AFF2: variants seen among roughly 807,000 people sequenced by gnomAD.
AFF2 encodes the protein ALF transcription elongation factor 2.
Under a neutral mutation model 76.9 loss-of-function variants are expected in AFF2, and 14 were observed. The ratio of observed to expected loss-of-function variants is 0.18; its 90% CI spans 0.12 to 0.28. The LOEUF is 0.28. Among genes scored for constraint, AFF2 ranks in the 10% least tolerant of loss-of-function variants. AFF2 has a pLI of 1.00. For synonymous variants in AFF2, 398 were observed against 366.7 expected (o/e 1.09, Z -0.98); for missense variants, 868 against 1,001.1 (o/e 0.87, Z 1.79).
intron 8 of AFF2, among the ~76,000 whole-genome samples, chrX:148,889,764 G>GA (rs1383778568): frequency 1.8e-5 from 2 of 111,424 alleles, no homozygotes; most frequent in Non-Finnish European, 3.8e-5. Context: ...ACACGGACAT[G>GA]GCTTTGAATT....
At chrX:148,719,201 C>G (rs1304411515) in intron 3 of AFF2, 1 of 1,147,083 alleles carries the variant, frequency 8.7e-7, no homozygotes, top group Non-Finnish European at 1.2e-6. Flanking sequence ...AAAGGAGGCA[C>G]CAAGCATTTC....
At chrX:148,931,997 G>A (rs1557284463) in intron 9 of AFF2, among the ~76,000 whole-genome samples, 1 of 111,983 alleles carries the variant, frequency 8.9e-6, no homozygotes, top group Non-Finnish European at 1.9e-5. Context: ...ACTCCACTGG[G>A]AGCCAAAAGA....
At chrX:148,529,716 G>C (rs1290346283) in intron 1 of AFF2, among the ~76,000 whole-genome samples, 2 of 111,749 alleles carry the variant, frequency 1.8e-5, no homozygotes, top group African/African-American at 6.5e-5. Flanking sequence ...CTGCTTTGAG[G>C]CTTCTAGCAC....
intron 8 of AFF2, among the ~76,000 whole-genome samples, chrX:148,890,256 G>T (rs1363965063): frequency 1.8e-5 from 2 of 112,026 alleles, no homozygotes; most frequent in African/African-American, 6.5e-5. Flanking sequence ...TAGCTGTATG[G>T]CATTGGGAAA....
chrX:148,653,134 T>C (rs2054218036), intron 2 of AFF2, among the ~76,000 whole-genome samples: 1 of 111,425 alleles, frequency 9.0e-6, no homozygotes. Flanking sequence ...CAACTCTTGA[T>C]TGAGACACTG....
intron 3 of AFF2, among the ~76,000 whole-genome samples, chrX:148,690,553 C>T (rs186346422): frequency 4.5e-5 from 5 of 112,271 alleles, no homozygotes; most frequent in Admixed American, 2.8e-4. Context: ...ACCCTCAGTC[C>T]AGTCTCCTTT....
chrX:148,577,329 C>A (rs782403064), intron 1 of AFF2, among the ~76,000 whole-genome samples: 2 of 112,233 alleles, frequency 1.8e-5, no homozygotes, highest in East Asian at 5.7e-4. Context: ...GTCAACCAGG[C>A]AATAGCAAAA....
intron 1 of AFF2, among the ~76,000 whole-genome samples, chrX:148,520,491 T>C (rs1409228434): frequency 9.0e-6 from 1 of 111,714 alleles, no homozygotes; most frequent in African/African-American, 3.3e-5. Flanking sequence ...CACGTTTTTG[T>C]GCTGGCGTAA....
chrX:148,884,867 T>C (rs960759382), intron 7 of AFF2, among the ~76,000 whole-genome samples: 2 of 111,908 alleles, frequency 1.8e-5, no homozygotes, highest in African/African-American at 6.5e-5. Context: ...CTACAAAGGA[T>C]AAATAGGATT....
chrX:148,893,091 T>G (rs1191930148), intron 8 of AFF2, among the ~76,000 whole-genome samples: 3 of 112,372 alleles, frequency 2.7e-5, no homozygotes, highest in African/African-American at 9.7e-5. Flanking sequence ...GGTTACAGAA[T>G]GTAGCTGAAT....
intron 3 of AFF2, among the ~76,000 whole-genome samples, chrX:148,799,478 T>C (rs1465200965): frequency 1.8e-5 from 2 of 112,051 alleles, no homozygotes; most frequent in Non-Finnish European, 3.8e-5. Context: ...GGACAACCTA[T>C]ACCTACTGTG....
chrX:148,719,187 T>C (rs1557263595), intron 3 of AFF2: 1 of 1,150,255 alleles, frequency 8.7e-7, no homozygotes, highest in Non-Finnish European at 1.2e-6. Flanking sequence ...ATCCATGAAG[T>C]TCAAAAGGAG....
intron 1 of AFF2, among the ~76,000 whole-genome samples, chrX:148,611,234 G>T (rs1269994003): frequency 8.9e-6 from 1 of 111,991 alleles, no homozygotes; most frequent in Non-Finnish European, 1.9e-5. Context: ...GTTGATTTAG[G>T]CAGTGAGATA....
intron 3 of AFF2, among the ~76,000 whole-genome samples, chrX:148,691,633 C>G (rs1427281992): frequency 9.0e-6 from 1 of 111,535 alleles, no homozygotes; most frequent in African/African-American, 3.3e-5. Context: ...ACCTAGGGCA[C>G]AGCATGAATA....
intron 19 of AFF2, among the ~76,000 whole-genome samples, chrX:148,981,587 C>T (rs185552672): frequency 1.6e-4 from 18 of 111,570 alleles, no homozygotes; most frequent in African/African-American, 5.9e-4. Flanking sequence ...AGTTAGCTAA[C>T]TTGCCTGAGC....
At chrX:148,863,716 GC>G (rs1193363849) in intron 7 of AFF2, among the ~76,000 whole-genome samples, 2 of 111,555 alleles carry the variant, frequency 1.8e-5, no homozygotes, top group East Asian at 5.6e-4. Context: ...TTGCAGGGAT[GC>G]TTTTCACTGT....
At chrX:148,812,957 A>C (rs1478168264) in intron 4 of AFF2, among the ~76,000 whole-genome samples, 4 of 111,726 alleles carry the variant, frequency 3.6e-5, no homozygotes, top group African/African-American at 1.3e-4. Flanking sequence ...GCTGGAGCCC[A>C]CCTTGTCTGG....
At chrX:148,710,103 T>C (rs972174420) in intron 3 of AFF2, among the ~76,000 whole-genome samples, 2 of 111,856 alleles carry the variant, frequency 1.8e-5, no homozygotes, top group Admixed American at 9.5e-5. Flanking sequence ...CCCTGTTAAA[T>C]AAAGTAAATT....
At chrX:148,806,698 G>A (rs932507703) in intron 3 of AFF2, among the ~76,000 whole-genome samples, 10 of 111,725 alleles carry the variant, frequency 9.0e-5, no homozygotes, top group Middle Eastern at 4.6e-3. Flanking sequence ...GCGAATGAAT[G>A]CGATCCTATT....
Sources: gnomAD v4.1 joint callset for allele counts (sites outside exome capture counted in the v4.1 genomes callset) on GRCh38, gnomAD v4.1.1 for gene constraint, MANE v1.5 for transcripts, NCBI Gene and HGNC (gene_info 2026-07-23, HGNC 2026-07-21) for gene names.